Variants in SLC24A2 observed in about 807,000 individuals in gnomAD.
The protein encoded by SLC24A2 is solute carrier family 24 member 2.
A neutral mutation model predicts 62.0 loss-of-function variants in SLC24A2; 36 were observed. That is an observed-to-expected ratio of 0.58 (90% confidence interval 0.44 to 0.77). SLC24A2 has a LOEUF of 0.77. Among genes scored for constraint, SLC24A2 ranks in the 30% least tolerant of loss-of-function variants. The pLI is 0.00. For synonymous variants in SLC24A2, 358 were observed against 294.0 expected, an observed-to-expected ratio of 1.22 and a Z score of -2.23; for missense variants, 846 against 817.9, an observed-to-expected ratio of 1.03 and a Z score of -0.42.
chr9:19,903,613 G>A, the SLC24A2 span, among the ~76,000 whole-genome samples: 8 of 152,184 alleles, frequency 5.3e-5, no homozygotes, highest in Non-Finnish European at 1.2e-4. Flanking sequence ...AGAGCTAGCA[G>A]GAAGCACTTT....
At chr9:20,011,058 C>A in the SLC24A2 span, among the ~76,000 whole-genome samples, 1 of 152,040 alleles carries the variant, frequency 6.6e-6, no homozygotes, top group East Asian at 1.9e-4. Context: ...TGAATAGTGC[C>A]ACAATAAACA....
At chr9:20,160,471 T>A in the SLC24A2 span, among the ~76,000 whole-genome samples, 2 of 151,418 alleles carry the variant, frequency 1.3e-5, no homozygotes, top group Admixed American at 6.6e-5. Flanking sequence ...TACACACTTA[T>A]AATAGAAAAT....
At chr9:19,805,659 T>C in the SLC24A2 span, among the ~76,000 whole-genome samples, 1 of 152,114 alleles carries the variant, frequency 6.6e-6, no homozygotes, top group Non-Finnish European at 1.5e-5. Context: ...TTAAACATAG[T>C]GAGCGATCAA....
At chr9:19,925,641 G>A in the SLC24A2 span, among the ~76,000 whole-genome samples, 4 of 152,130 alleles carry the variant, frequency 2.6e-5, no homozygotes, top group African/African-American at 7.2e-5. Context: ...CAGAACCTGC[G>A]TCATGTATTT....
intron 8 of SLC24A2, among the ~76,000 whole-genome samples, chr9:19,544,105 G>C (rs930459787): frequency 2.0e-5 from 3 of 152,048 alleles, no homozygotes; most frequent in African/African-American, 7.2e-5. Context: ...TTATGAACTT[G>C]GATGCTCCTG....
chr9:19,820,776 CAGA>C, the SLC24A2 span, among the ~76,000 whole-genome samples: 3 of 151,764 alleles, frequency 2.0e-5, no homozygotes, highest in South Asian at 4.2e-4. Flanking sequence ...TTTATGTGAT[CAGA>C]AGAAGGCCTG....
chr9:19,520,605 C>G (rs1339097322), intron 10 of SLC24A2, among the ~76,000 whole-genome samples: 1 of 152,032 alleles, frequency 6.6e-6, no homozygotes, highest in Non-Finnish European at 1.5e-5. Context: ...CTCAGTTCCA[C>G]TTGAATGTTG....
chr9:19,621,592 T>C (rs1817910397), intron 3 of SLC24A2, among the ~76,000 whole-genome samples: 1 of 152,224 alleles, frequency 6.6e-6, no homozygotes, highest in African/African-American at 2.4e-5. Flanking sequence ...GTTTGATGGC[T>C]GAACACAATA....
intron 2 of SLC24A2, among the ~76,000 whole-genome samples, chr9:19,731,489 A>G (rs1326708428): frequency 1.5e-5 from 2 of 137,800 alleles, no homozygotes; most frequent in Non-Finnish European, 3.1e-5. Context: ...ACACTTAAGA[A>G]CACTTGTTTC....
At chr9:19,911,915 A>G in the SLC24A2 span, among the ~76,000 whole-genome samples, 1 of 152,162 alleles carries the variant, frequency 6.6e-6, no homozygotes, top group Non-Finnish European at 1.5e-5. Flanking sequence ...ATGTGGATAC[A>G]TTTGAGAAAC....
At chr9:19,588,178 CTTT>C (rs3085622) in intron 5 of SLC24A2, among the ~76,000 whole-genome samples, 65 of 121,688 alleles carry the variant, frequency 5.3e-4, no homozygotes, top group East Asian at 3.1e-3. Context: ...TTCTTTTTTT[CTTT>C]TTTTTTTTTT....
chr9:19,535,223 T>C (rs1833899899), intron 8 of SLC24A2, among the ~76,000 whole-genome samples: 1 of 152,052 alleles, frequency 6.6e-6, no homozygotes, highest in Non-Finnish European at 1.5e-5. Flanking sequence ...TTCTTGTAAA[T>C]TTAAGTTCTT....
At chr9:20,273,142 G>A in the SLC24A2 span, among the ~76,000 whole-genome samples, 1 of 152,156 alleles carries the variant, frequency 6.6e-6, no homozygotes. Flanking sequence ...GTCCCTGATG[G>A]AGCACAGGAC....
chr9:20,210,928 A>G, the SLC24A2 span, among the ~76,000 whole-genome samples: 1 of 152,176 alleles, frequency 6.6e-6, no homozygotes, highest in South Asian at 2.1e-4. Context: ...TGCCCGCTTC[A>G]GGTCTACCTT....
the SLC24A2 span, among the ~76,000 whole-genome samples, chr9:19,991,053 CATA>C: frequency 2.0e-5 from 3 of 150,880 alleles, no homozygotes; most frequent in Non-Finnish European, 4.4e-5. Flanking sequence ...TACATACATA[CATA>C]CATACATACA....
At chr9:19,992,175 T>C in the SLC24A2 span, among the ~76,000 whole-genome samples, 1 of 152,214 alleles carries the variant, frequency 6.6e-6, no homozygotes, top group East Asian at 1.9e-4. Flanking sequence ...AAAAGCTTTG[T>C]GTATTGAGAA....
At chr9:19,788,824 A>C in intron 1 of SLC24A2, 61 bp downstream of exon 1, 1 of 985,418 alleles carries the variant, frequency 1.0e-6, no homozygotes, top group Non-Finnish European at 1.2e-6. Context: ...CGCAACCGGG[A>C]TGCGGGGACG....
At chr9:19,964,956 G>A in the SLC24A2 span, among the ~76,000 whole-genome samples, 2 of 152,084 alleles carry the variant, frequency 1.3e-5, no homozygotes, top group African/African-American at 4.8e-5. Context: ...GCCTACTCCT[G>A]ATTTTCTCTT....
intron 9 of SLC24A2, among the ~76,000 whole-genome samples, chr9:19,525,323 A>G (rs747651904): frequency 6.6e-6 from 1 of 151,144 alleles, no homozygotes; most frequent in Non-Finnish European, 1.5e-5. Context: ...TGCTTTACAT[A>G]GAGTAAAACT....
Sources: gnomAD v4.1 joint callset for allele counts (sites outside exome capture counted in the v4.1 genomes callset) on GRCh38, gnomAD v4.1.1 for gene constraint, MANE v1.5 for transcripts, NCBI Gene and HGNC (gene_info 2026-07-23, HGNC 2026-07-21) for gene names.